Variants in IQCN observed in about 807,000 individuals in gnomAD.
The protein encoded by IQCN is IQ motif containing N, also known as IQ domain-containing protein N.
A neutral mutation model predicts 64.4 loss-of-function variants in IQCN; 46 were observed. The observed-to-expected ratio is 0.71, with a 90% CI of 0.56 to 0.91. IQCN has a LOEUF of 0.91. Ranked by LOEUF, IQCN falls within the 40% of genes least tolerant of loss-of-function variation. The probability of loss-of-function intolerance (pLI) is 0.00; values close to 1 mark genes in which losing one functional copy is unlikely to be tolerated. For missense variants in IQCN, 1,753 were observed against 1,857.4 expected, an observed-to-expected ratio of 0.94 and a Z score of 1.03; for synonymous variants, 733 against 775.6, an observed-to-expected ratio of 0.95 and a Z score of 0.91.
intron 3 of IQCN, chr19:18,260,657 T>C (rs1969405898): frequency 6.5e-6 from 1 of 152,752 alleles, no homozygotes; most frequent in African/African-American, 2.4e-5. Context: ...AGGCCACAGA[T>C]GGTTGGGCTT....
chr19:18,272,506 C>T (rs938634861), intron 1 of IQCN, among the ~76,000 whole-genome samples: 1 of 152,132 alleles, frequency 6.6e-6, no homozygotes, highest in African/African-American at 2.4e-5. Context: ...AGTCACAGGA[C>T]CACGTTCTGG....
intron 2 of IQCN, among the ~76,000 whole-genome samples, chr19:18,268,582 C>A (rs1969659997): frequency 6.6e-6 from 1 of 152,080 alleles, no homozygotes; most frequent in Admixed American, 6.6e-5. Context: ...CATTCCAGCA[C>A]TTTGGGAGGC....
chr19:18,259,511 C>T (rs1259397265), intron 3 of IQCN: 1 of 152,386 alleles, frequency 6.6e-6, no homozygotes, highest in Non-Finnish European at 1.5e-5. Context: ...GGCTGTGACC[C>T]ATGCCTCGGA....
At chr19:18,271,315 C>T (rs1358571562) in intron 1 of IQCN, among the ~76,000 whole-genome samples, 2 of 150,848 alleles carry the variant, frequency 1.3e-5, no homozygotes, top group African/African-American at 4.9e-5. Context: ...ACTAAAAATA[C>T]AAAAATTAGC....
At position 18,266,899 on chromosome 19, in the gene IQCN, G is replaced by A. The variant is rs200768230; in HGVS notation, c.641C>T (p.Pro214Leu). Residue 214 changes from proline (P) to leucine (L), a missense_variant, in exon 3 of 4, where the codon CCA becomes CTA. Pro to Leu is a moderately conservative substitution (Grantham distance 98, BLOSUM62 -3). Transcript: ENST00000392413. The surrounding 1 kb of genome is among the most constrained non-coding windows in gnomAD (Gnocchi z 4.3). ...RPQSSPLLQPPAAQGTPEPCV... is the reference protein window; with the variant it reads ...RPQSSPLLQPLAAQGTPEPCV... ...GGGCTCTGGGGTACCCTGAGCTGCT[G>A]GGGGCTGCAGGAGGGGGGACGACTG... 1.2e-6 allele frequency: 2 copies of A among 1,607,690 alleles called. No individual in the cohort carries two copies. Among genetic ancestry groups the A allele is most frequent in the East Asian group, 2.2e-5 (1 of 44,794 alleles).
rs754066617 is a variant in IQCN, at chr19:18,257,872, G to C, written c.3412C>G (p.Arg1138Gly). 2.5e-6 allele frequency: 4 copies of C among 1,612,256 alleles called. No individual in the cohort carries two copies. The highest frequency in any genetic ancestry group is 1.1e-5 in the South Asian group (1 of 91,068). ...LARRRIRLWH[R>G]GAMVIQATWR... ...GTAGCTTGGATGACCATGGCCCCCC[G>C]GTGCCACAGCCGGATCCTGCGACGC... The change falls in exon 4 of 4, where the codon CGG (arginine) becomes GGG (glycine). Residue 1138 changes from arginine to glycine, a missense_variant. Coordinates refer to ENST00000392413, the MANE Select transcript of IQCN (RefSeq NM_001145304.2).
Position 18,265,148 on chromosome 19 carries a change from T to G in IQCN, c.2392A>C (p.Lys798Gln), listed in dbSNP as rs1474241576. The change falls in exon 3 of 4, where the codon AAG (lysine) becomes CAG (glutamine). Residue 798 changes from lysine (K) to glutamine (Q), a missense_variant. Physicochemically the swap from Lys to Gln is moderately conservative, Grantham distance 53. Transcript: ENST00000392413. The surrounding 1 kb of genome is among the most constrained non-coding windows in gnomAD (Gnocchi z 4.7). ...GGCTGGGTCTGTCTGTCCTCTGGCT[T>G]GGCCCAGGGTGGGGCGCTGAGGCCA... ...LGGLSAPPWA[K>Q]PEDRQTQPQP... 6.2e-7 allele frequency: 1 copy of G among 1,607,054 alleles called. No homozygotes were observed. The highest frequency in any genetic ancestry group is 8.5e-7 in the Non-Finnish European group (1 of 1,179,814).
intron 2 of IQCN, 44 bp from the exon 3 acceptor site, chr19:18,267,570 A>G (rs1206692197): frequency 1.4e-5 from 21 of 1,490,500 alleles, no homozygotes; most frequent in Non-Finnish European, 1.8e-5. Flanking sequence ...CAGGTCCTGC[A>G]AACAAGAGGT....
intron 1 of IQCN, among the ~76,000 whole-genome samples, chr19:18,273,327 C>T (rs573793105): frequency 6.6e-5 from 10 of 151,720 alleles, no homozygotes; most frequent in East Asian, 2.0e-4. Flanking sequence ...TCACCATGCC[C>T]GGCCTAATTA....
At chr19:18,270,359 C>CAAAAA (rs199590561) in intron 1 of IQCN, among the ~76,000 whole-genome samples, 2 of 121,532 alleles carry the variant, frequency 1.6e-5, no homozygotes. Flanking sequence ...AAAACTGTCT[C>CAAAAA]AAAAAAAAAA....
Position 18,265,573 on chromosome 19 carries a change from G to C in IQCN, c.1967C>G (p.Thr656Ser). The C allele has an allele frequency of 2.5e-6, 4 of 1,612,284 alleles. No homozygotes were observed. Among genetic ancestry groups the C allele is most frequent in the Non-Finnish European group, 3.4e-6 (4 of 1,178,682 alleles). Residue 656 changes from threonine to serine, a missense_variant, in exon 3 of 4, where the codon ACC becomes AGC. By Grantham distance (58) the Thr-to-Ser change is moderately conservative. Coordinates refer to ENST00000392413, the MANE Select transcript of IQCN (RefSeq NM_001145304.2). This position sits in a 1 kb window ranked among gnomAD's most constrained non-coding sequence, Gnocchi z 4.7. ...HVYVPVDMAV[T>S]LPRGQLAAPL... Reference sequence around the variant, plus strand: ...GGCAGCCAGCTGTCCCCGGGGCAGGGTGACAGCCATGTCTACAGGCACATA... The same window carrying C: ...GGCAGCCAGCTGTCCCCGGGGCAGGCTGACAGCCATGTCTACAGGCACATA...
chr19:18,269,146 A>C (rs986253954), intron 2 of IQCN, among the ~76,000 whole-genome samples: 6 of 150,676 alleles, frequency 4.0e-5, no homozygotes, highest in Non-Finnish European at 7.4e-5. Context: ...AAAGGAAAGA[A>C]GGAAGGAAGC....
At position 18,265,763 on chromosome 19, in the gene IQCN, G is replaced by A. The variant is rs1039053122; in HGVS notation, c.1777C>T (p.Pro593Ser). The A allele has an allele frequency of 1.2e-6, 2 of 1,614,166 alleles. No homozygotes were observed. Among genetic ancestry groups the A allele is most frequent in the South Asian group, 1.1e-5 (1 of 91,088 alleles). The change falls in exon 3 of 4, where the codon CCC (proline) becomes TCC (serine). Residue 593 changes from proline to serine, a missense_variant. Transcript: ENST00000392413. The surrounding 1 kb of genome is among the most constrained non-coding windows in gnomAD (Gnocchi z 4.7). ...AAAGGAAGCTCAGCTGCAGCCCTGG[G>A]GACCCCAGTTCCCGGATGTGGTTGA... ...LAQPHPGTGV[P>S]RAAAELPLEA...
intron 2 of IQCN, among the ~76,000 whole-genome samples, chr19:18,268,173 T>C (rs1247931371): frequency 8.4e-6 from 1 of 119,150 alleles, no homozygotes; most frequent in Non-Finnish European, 1.7e-5. Flanking sequence ...CCTGTTTGCC[T>C]CTGTGTGTGT....
chr19:18,272,063 G>A (rs951590846), intron 1 of IQCN, among the ~76,000 whole-genome samples: 1 of 151,874 alleles, frequency 6.6e-6, no homozygotes, highest in Non-Finnish European at 1.5e-5. Context: ...CTGATCTCAG[G>A]TGATTCGCCT....
Position 18,267,386 on chromosome 19 carries a change from G to A in IQCN, c.154C>T (p.Pro52Ser), listed in dbSNP as rs780484256. ...SLLDKMEKAP[P>S]QPQHEGLKSK... ...TTGAGGCCCTCGTGCTGGGGCTGTG[G>A]AGGCGCTTTCTCCATTTTGTCCAGG... The change falls in exon 3 of 4, where the codon CCA (proline) becomes TCA (serine). Residue 52 changes from proline (P) to serine (S), a missense_variant. Physicochemically the swap from Pro to Ser is moderately conservative, Grantham distance 74 (BLOSUM62 -1). Transcript: ENST00000392413. 27 of 1,604,330 alleles carry A rather than the reference G, an allele frequency of 1.7e-5. No individual in the cohort carries two copies. Among genetic ancestry groups the A allele is most frequent in the Non-Finnish European group, 2.1e-5 (25 of 1,175,098 alleles).
rs199658761 is a variant in IQCN at position 18,265,537 on chromosome 19, T to C, written c.2003A>G (p.Asn668Ser). 8.7e-6 allele frequency: 14 copies of C among 1,612,126 alleles called. No individual in the cohort carries two copies. Among genetic ancestry groups the C allele is most frequent in the Non-Finnish European group, 1.2e-5 (14 of 1,178,682 alleles). Residue 668 changes from asparagine to serine, a missense_variant, in exon 3 of 4, where the codon AAT (asparagine) becomes AGT (serine). By Grantham distance (46) the Asn-to-Ser change is conservative (BLOSUM62 1). Coordinates refer to ENST00000392413, the MANE Select transcript of IQCN (RefSeq NM_001145304.2). The surrounding 1 kb of genome is among the most constrained non-coding windows in gnomAD (Gnocchi z 4.7). ...PRGQLAAPLT[N>S]ASSQRHPPCL... is the part of the protein sequence containing the mutation. ...GGGTGGATGTCTCTGGGATGAGGCA[T>C]TGGTCAGTGGGGCAGCCAGCTGTCC...
At chr19:18,268,738 C>T (rs971881947) in intron 2 of IQCN, among the ~76,000 whole-genome samples, 2 of 151,496 alleles carry the variant, frequency 1.3e-5, no homozygotes, top group Non-Finnish European at 2.9e-5. Context: ...CCGAGGTGAG[C>T]GGATCACAAG....
intron 3 of IQCN, 144 bp from the exon 4 acceptor site, chr19:18,258,250 C>T (rs553686215): frequency 3.5e-6 from 3 of 869,310 alleles, no homozygotes; most frequent in South Asian, 2.8e-5. Context: ...CCTAGAGACA[C>T]CCTCCGAACT....
Sources: allele counts gnomAD v4.1 joint callset (sites outside exome capture counted in the v4.1 genomes callset), GRCh38; gene constraint gnomAD v4.1.1; non-coding constraint Gnocchi (gnomAD v3.1); transcripts MANE v1.5; gene names NCBI Gene and HGNC (gene_info 2026-07-23, HGNC 2026-07-21).